Variants in ADGRL3 observed in about 807,000 individuals in gnomAD.
ADGRL3 encodes the protein adhesion G protein-coupled receptor L3.
Under a neutral mutation model 153.5 loss-of-function variants are expected in ADGRL3, and 62 were observed. The observed-to-expected ratio is 0.40, with a 90% confidence interval of 0.33 to 0.50. The LOEUF (loss-of-function observed/expected upper bound fraction) is 0.50. ADGRL3 is among the 20% of genes least tolerant of loss of function. ADGRL3 has a pLI of 0.47. For synonymous variants in ADGRL3, 710 were observed against 672.5 expected (o/e 1.06, Z -0.86); for missense variants, 1,641 against 1,859.4 (o/e 0.88, Z 2.16).
chr4:61,776,354 C>A lies in ADGRL3; in HGVS notation c.1400-37455C>A, dbSNP rs576694477. 6.6e-5 allele frequency among the ~76,000 whole-genome samples: 10 copies of A among 152,192 alleles called. No individual in the cohort carries two copies. The East Asian group carries it at 1.9e-3, about 29-fold the overall frequency. On this transcript the variant is annotated intron_variant, in intron 8 of 26. Transcript: ENST00000683033. The stretch of plus-strand genomic sequence containing the variant: ...GTGAATGAAGTAGGGGTTTTGAGTT[C>A]TTTATTTTATTTTTTTTACTACTAA...
chr4:61,757,343 T>C (rs1020424498), intron 8 of ADGRL3, among the ~76,000 whole-genome samples: 1 of 152,328 alleles, frequency 6.6e-6, no homozygotes, highest in Non-Finnish European at 1.5e-5. Flanking sequence ...CCTGGTTTAG[T>C]CTTGGGAGGG....
At chr4:61,689,895 C>T (rs1321632678) in intron 6 of ADGRL3, among the ~76,000 whole-genome samples, 4 of 152,082 alleles carry the variant, frequency 2.6e-5, no homozygotes, top group African/African-American at 9.7e-5. Context: ...TTCTTATAAA[C>T]TCGTTTCAAA....
intron 1 of ADGRL3, among the ~76,000 whole-genome samples, chr4:61,213,892 A>G (rs1285310278): frequency 6.6e-6 from 1 of 152,086 alleles, no homozygotes; most frequent in Non-Finnish European, 1.5e-5. Flanking sequence ...AAGTATAATT[A>G]CTAGATCAAA....
At chr4:61,519,309 G>A (rs994431087) in intron 4 of ADGRL3, among the ~76,000 whole-genome samples, 10 of 152,018 alleles carry the variant, frequency 6.6e-5, no homozygotes, top group South Asian at 2.1e-4. Flanking sequence ...GTGCAGTGAC[G>A]GGTTTTAAGT....
chr4:61,326,533 G>T (rs1044710465), intron 1 of ADGRL3, among the ~76,000 whole-genome samples: 2 of 151,210 alleles, frequency 1.3e-5, no homozygotes, highest in Non-Finnish European at 2.9e-5. Context: ...TTATTTAGGA[G>T]AATTTAATAT....
At chr4:61,444,449 A>C (rs1306608036) in intron 2 of ADGRL3, among the ~76,000 whole-genome samples, 2 of 152,024 alleles carry the variant, frequency 1.3e-5, no homozygotes, top group Non-Finnish European at 2.9e-5. Context: ...TTTGTTCTTG[A>C]ACATCTTTCA....
chr4:61,435,321 C>G (rs1269551740), intron 2 of ADGRL3, among the ~76,000 whole-genome samples: 1 of 151,908 alleles, frequency 6.6e-6, no homozygotes, highest in African/African-American at 2.4e-5. Flanking sequence ...CAAAGGAGTT[C>G]ATGATCATTA....
rs184278309 is a variant in ADGRL3 at position 61,980,432 on chromosome 4, C to G, written c.3015+660C>G. Among the ~76,000 whole-genome samples the G allele has an allele frequency of 2.1e-3, 303 of 143,020 alleles. 1 individual carries two copies. The highest frequency in any genetic ancestry group is 7.5e-3 in the African/African-American group (290 of 38,500). The allele number at this position is 143,020 out of a possible 152,430, so 93.8% of individuals were successfully genotyped here. The stretch of plus-strand genomic sequence containing the variant: ...CATCTCTCTGTCTCTTTCTTTCTTT[C>G]TTTGTTTTTCTTTCTTTTCTTTTTT... On this transcript the variant is annotated intron_variant, in intron 18 of 26. Transcript: ENST00000683033.
chr4:61,852,002 G>C (rs1448754828), intron 9 of ADGRL3, among the ~76,000 whole-genome samples: 1 of 152,164 alleles, frequency 6.6e-6, no homozygotes, highest in Non-Finnish European at 1.5e-5. Context: ...TAAATGTATG[G>C]TTAGTGTCTA....
At chr4:61,516,115 T>C (rs1187461553) in intron 3 of ADGRL3, among the ~76,000 whole-genome samples, 2 of 152,158 alleles carry the variant, frequency 1.3e-5, no homozygotes, top group Non-Finnish European at 2.9e-5. Context: ...TTGTTTAACA[T>C]ATTTCTTAAT....
intron 2 of ADGRL3, among the ~76,000 whole-genome samples, chr4:61,414,215 G>A (rs1578721962): frequency 6.6e-6 from 1 of 152,204 alleles, no homozygotes; most frequent in South Asian, 2.1e-4. Context: ...AACTTACCTG[G>A]AAAAATTGGA....
intron 9 of ADGRL3, among the ~76,000 whole-genome samples, chr4:61,876,519 A>T (rs1181066390): frequency 6.6e-6 from 1 of 152,190 alleles, no homozygotes; most frequent in Non-Finnish European, 1.5e-5. Flanking sequence ...AGATGTAAGT[A>T]ATCCAAAAAT....
At chr4:61,760,770 G>C (rs2096902887) in intron 8 of ADGRL3, among the ~76,000 whole-genome samples, 1 of 152,174 alleles carries the variant, frequency 6.6e-6, no homozygotes, top group South Asian at 2.1e-4. Flanking sequence ...CTCTAGACTG[G>C]AGCTGTTCCT....
intron 9 of ADGRL3, among the ~76,000 whole-genome samples, chr4:61,864,327 C>T (rs2098379956): frequency 6.6e-6 from 1 of 152,116 alleles, no homozygotes; most frequent in Non-Finnish European, 1.5e-5. Flanking sequence ...ATAACAATTT[C>T]CCCATTGGAT....
intron 8 of ADGRL3, among the ~76,000 whole-genome samples, chr4:61,784,618 T>A (rs1467904367): frequency 2.0e-5 from 3 of 152,112 alleles, no homozygotes; most frequent in Non-Finnish European, 4.4e-5. Context: ...ATAATTATAA[T>A]GACACCTAGA....
At chr4:61,643,091 T>C (rs2093769062) in intron 5 of ADGRL3, among the ~76,000 whole-genome samples, 4 of 152,194 alleles carry the variant, frequency 2.6e-5, no homozygotes, top group Admixed American at 2.0e-4. Flanking sequence ...TCTCTGTTTG[T>C]CTGTTATTGG....
intron 17 of ADGRL3, among the ~76,000 whole-genome samples, chr4:61,955,133 T>A (rs2098961411): frequency 6.6e-6 from 1 of 152,194 alleles, no homozygotes; most frequent in Non-Finnish European, 1.5e-5. Flanking sequence ...TTGTTTTGTT[T>A]CTAAATTTTA....
intron 3 of ADGRL3, among the ~76,000 whole-genome samples, chr4:61,513,974 T>C (rs756478589): frequency 7.2e-5 from 11 of 152,210 alleles, no homozygotes; most frequent in Non-Finnish European, 1.0e-4. Context: ...CTTCAACTTA[T>C]GGTTAATGCC....
chr4:61,377,844 CT>C (rs1436497091), intron 1 of ADGRL3, among the ~76,000 whole-genome samples: 4 of 151,780 alleles, frequency 2.6e-5, no homozygotes, highest in Admixed American at 1.3e-4. Flanking sequence ...ATAAATTTGC[CT>C]TTGAGTACTG....
Sources: gnomAD v4.1 joint callset for allele counts (sites outside exome capture counted in the v4.1 genomes callset) on GRCh38, gnomAD v4.1.1 for gene constraint, MANE v1.5 for transcripts, NCBI Gene and HGNC (gene_info 2026-07-23, HGNC 2026-07-21) for gene names.